Variants in HHAT observed in about 807,000 individuals in gnomAD.
The protein encoded by HHAT is protein-cysteine N-palmitoyltransferase HHAT.
HHAT carries 47 observed loss-of-function variants against 70.8 expected under a neutral mutation model. The observed-to-expected ratio is 0.66, with a 90% CI of 0.53 to 0.85. HHAT has a LOEUF of 0.85. Among genes scored for constraint, HHAT ranks in the 40% least tolerant of loss-of-function variants. HHAT has a pLI of 0.00. For missense variants in HHAT, 609 were observed against 604.8 expected, an observed-to-expected ratio of 1.01 and a Z score of -0.07; for synonymous variants, 228 against 247.6, an observed-to-expected ratio of 0.92 and a Z score of 0.74.
In HHAT at chr1:210,404,652, C is replaced by T. The variant is rs1294458457; in HGVS notation, c.657C>T (p.Ile219=). Reference sequence around the variant, plus strand: ...ATCCAGTCTTACACAATGGGCCCATCCTCAGCTTCTCGGAGTTCATCAAAC... The same window carrying T: ...ATCCAGTCTTACACAATGGGCCCATTCTCAGCTTCTCGGAGTTCATCAAAC... ...FYYPVLHNGP[I]LSFSEFIKQM... is the part of the protein sequence containing the mutation. The change falls in exon 6 of 12, where the codon ATC becomes ATT. Residue 219 remains isoleucine (I), a synonymous_variant. Coordinates refer to ENST00000261458, the MANE Select transcript of HHAT (RefSeq NM_018194.6). The T allele has an allele frequency of 1.9e-6, 3 of 1,614,066 alleles. No homozygotes were observed. Among genetic ancestry groups the T allele is most frequent in the Non-Finnish European group, 2.5e-6 (3 of 1,179,976 alleles).
intron 9 of HHAT, among the ~76,000 whole-genome samples, chr1:210,580,780 A>G (rs1235519446): frequency 6.6e-6 from 1 of 151,956 alleles, no homozygotes; most frequent in African/African-American, 2.4e-5. Flanking sequence ...GTGCTGCAAA[A>G]AACATATGTG....
At chr1:210,409,066 A>G (rs1318050147) in intron 6 of HHAT, among the ~76,000 whole-genome samples, 2 of 152,038 alleles carry the variant, frequency 1.3e-5, no homozygotes, top group East Asian at 3.9e-4. Flanking sequence ...AGGTCTTGCT[A>G]TGTTGCCCAG....
intron 9 of HHAT, among the ~76,000 whole-genome samples, chr1:210,540,845 A>AT (rs555398828): frequency 1.3e-3 from 187 of 148,350 alleles, no homozygotes; most frequent in Non-Finnish European, 1.6e-3. Context: ...GCTTTATTTA[A>AT]TTTTTTTTTT....
intron 3 of HHAT, among the ~76,000 whole-genome samples, chr1:210,370,386 G>A (rs1399439097): frequency 6.6e-6 from 1 of 151,544 alleles, no homozygotes; most frequent in Non-Finnish European, 1.5e-5. Context: ...TGTTGGCCAG[G>A]CTGGTCTTGA....
At chr1:210,537,785 AT>A (rs956963171) in intron 9 of HHAT, among the ~76,000 whole-genome samples, 2 of 152,142 alleles carry the variant, frequency 1.3e-5, no homozygotes, top group African/African-American at 4.8e-5. Flanking sequence ...GCTTGAGGAG[AT>A]TTGATTGTTG....
At chr1:210,405,481 A>G in intron 6 of HHAT, among the ~76,000 whole-genome samples, 1 of 152,190 alleles carries the variant, frequency 6.6e-6, no homozygotes, top group Non-Finnish European at 1.5e-5. Flanking sequence ...ATCCTCATAG[A>G]GGAGAAAATA....
intron 9 of HHAT, among the ~76,000 whole-genome samples, chr1:210,557,139 A>G (rs564509786): frequency 6.6e-6 from 1 of 152,306 alleles, no homozygotes; most frequent in South Asian, 2.1e-4. Flanking sequence ...TAGGAGGGAG[A>G]CAGAATGTGG....
intron 10 of HHAT, among the ~76,000 whole-genome samples, chr1:210,607,353 G>A (rs1665686268): frequency 7.5e-6 from 1 of 133,106 alleles, no homozygotes; most frequent in Non-Finnish European, 1.6e-5. Context: ...AATGAGTCTT[G>A]TGAAGGCATC....
At chr1:210,542,205 T>A (rs1358238842) in intron 9 of HHAT, among the ~76,000 whole-genome samples, 1 of 152,128 alleles carries the variant, frequency 6.6e-6, no homozygotes, top group Non-Finnish European at 1.5e-5. Flanking sequence ...TAGGTCTTGA[T>A]TACTCTTTCT....
chr1:210,394,718 A>T (rs1243156240), intron 4 of HHAT, among the ~76,000 whole-genome samples: 1 of 152,144 alleles, frequency 6.6e-6, no homozygotes, highest in Non-Finnish European at 1.5e-5. Flanking sequence ...AGCCTGACCC[A>T]TGGTGCTGAG....
chr1:210,502,462 A>G (rs1434846044), intron 8 of HHAT, among the ~76,000 whole-genome samples: 3 of 151,760 alleles, frequency 2.0e-5, no homozygotes, highest in Non-Finnish European at 2.9e-5. Context: ...CATTTAATTT[A>G]TAGTACATAT....
chr1:210,493,534 C>T (rs1441335791), intron 8 of HHAT, among the ~76,000 whole-genome samples: 1 of 152,170 alleles, frequency 6.6e-6, no homozygotes, highest in Non-Finnish European at 1.5e-5. Flanking sequence ...AAATACCTTA[C>T]CTGCAACATT....
At chr1:210,411,385 G>A (rs555967875) in intron 6 of HHAT, among the ~76,000 whole-genome samples, 1 of 152,350 alleles carries the variant, frequency 6.6e-6, no homozygotes, top group Admixed American at 6.5e-5. Flanking sequence ...ACATTTGTCT[G>A]TGTGAAGATT....
intron 3 of HHAT, among the ~76,000 whole-genome samples, chr1:210,367,749 T>G (rs1242875986): frequency 2.0e-5 from 3 of 152,182 alleles, no homozygotes; most frequent in African/African-American, 7.2e-5. Flanking sequence ...TTGTCATTTC[T>G]TTGAGGGTAA....
At chr1:210,645,460 A>T (rs924251618) in intron 11 of HHAT, among the ~76,000 whole-genome samples, 1 of 152,090 alleles carries the variant, frequency 6.6e-6, no homozygotes. Flanking sequence ...TGTATTTTTT[A>T]GTAGAGATGG....
intron 9 of HHAT, among the ~76,000 whole-genome samples, chr1:210,579,735 C>T (rs1484283134): frequency 6.6e-6 from 1 of 152,182 alleles, no homozygotes; most frequent in East Asian, 1.9e-4. Flanking sequence ...TTTCTTGTCC[C>T]ATACTTCGCC....
At chr1:210,508,757 A>G (rs890584658) in intron 8 of HHAT, among the ~76,000 whole-genome samples, 4 of 152,252 alleles carry the variant, frequency 2.6e-5, no homozygotes, top group Non-Finnish European at 4.4e-5. Flanking sequence ...AACAAAATAT[A>G]TGAGGAAAAA....
At chr1:210,479,341 G>T (rs12031180) in intron 8 of HHAT, among the ~76,000 whole-genome samples, 58,186 of 151,980 alleles carry the variant, frequency 0.38, 11,208 homozygotes, top group East Asian at 0.42. Flanking sequence ...GCTGAATAGA[G>T]GAGTCCCTGC....
At chr1:210,480,451 C>T (rs771125585) in intron 8 of HHAT, among the ~76,000 whole-genome samples, 1 of 152,166 alleles carries the variant, frequency 6.6e-6, no homozygotes, top group Admixed American at 6.5e-5. Context: ...AAATAGTTGC[C>T]AGGGAAGACA....
Sources: allele counts gnomAD v4.1 joint callset (sites outside exome capture counted in the v4.1 genomes callset), GRCh38; gene constraint gnomAD v4.1.1; transcripts MANE v1.5; gene names NCBI Gene and HGNC (gene_info 2026-07-23, HGNC 2026-07-21).